Variants in FARP1 observed in about 807,000 individuals in gnomAD.
The protein encoded by FARP1 is FERM, ARHGEF and pleckstrin domain-containing protein 1.
FARP1 carries 52 observed loss-of-function variants against 128.8 expected under a neutral mutation model. The ratio of observed to expected loss-of-function variants is 0.40; its 90% CI spans 0.32 to 0.51. The LOEUF (loss-of-function observed/expected upper bound fraction) is 0.51. FARP1 is among the 20% of genes least tolerant of loss of function. The probability of loss-of-function intolerance (pLI) is 0.45; values close to 1 mark genes in which losing one functional copy is unlikely to be tolerated. For synonymous variants in FARP1, 580 were observed against 551.8 expected (o/e 1.05, Z -0.72); for missense variants, 1,333 against 1,367.9 (o/e 0.97, Z 0.40).
At chr13:98,426,207 G>A (rs1198866027) in intron 17 of FARP1, among the ~76,000 whole-genome samples, 1 of 152,212 alleles carries the variant, frequency 6.6e-6, no homozygotes, top group Non-Finnish European at 1.5e-5. Context: ...ATGTATCTCA[G>A]CCGGGTGTGG....
intron 2 of FARP1, among the ~76,000 whole-genome samples, chr13:98,298,337 G>A (rs1885787505): frequency 6.6e-6 from 1 of 152,170 alleles, no homozygotes; most frequent in Non-Finnish European, 1.5e-5. Flanking sequence ...ATAATCTGAA[G>A]ACTGATTGAC....
chr13:98,189,164 C>G (rs2060976606), intron 1 of FARP1, among the ~76,000 whole-genome samples: 1 of 152,086 alleles, frequency 6.6e-6, no homozygotes, highest in South Asian at 2.1e-4. Context: ...GCCAGGTGTG[C>G]CCAGTGGCCA....
At chr13:98,368,525 CAG>C (rs1254412874) in intron 5 of FARP1, among the ~76,000 whole-genome samples, 1 of 152,200 alleles carries the variant, frequency 6.6e-6, no homozygotes, top group Non-Finnish European at 1.5e-5. Context: ...CATGTCAACT[CAG>C]AGTTTGTCTT....
In FARP1 at chr13:98,410,697, G is replaced by C. The variant is rs752544109; in HGVS notation, c.1603-37G>C. On this transcript the variant is annotated intron_variant, in intron 14 of 26. Transcript: ENST00000319562. Reference sequence around the variant, plus strand: ...TTCTCCGAGACGCATACTCAAAAATGATTATTGCGCTTTGTTTCTTTTGCT... The same window carrying C: ...TTCTCCGAGACGCATACTCAAAAATCATTATTGCGCTTTGTTTCTTTTGCT... 1.3e-5 allele frequency: 15 copies of C among 1,121,312 alleles called. No individual in the cohort carries two copies. In the South Asian group the frequency reaches 1.4e-4, roughly 11 times the overall value. The allele number at this position is 1,121,312 out of a possible 1,614,324, so 69.5% of individuals were successfully genotyped here. A position where few individuals can be genotyped will look rare whatever the true frequency, so the allele number is the denominator to read the frequency against.
intron 1 of FARP1, among the ~76,000 whole-genome samples, chr13:98,200,389 C>CA (rs964041838): frequency 5.0e-5 from 2 of 39,840 alleles, no homozygotes; most frequent in Non-Finnish European, 1.3e-4. Context: ...CAACCTTCAC[C>CA]CCCCCCCCCT....
chr13:98,198,509 A>T (rs1446351490), intron 1 of FARP1, among the ~76,000 whole-genome samples: 4 of 152,098 alleles, frequency 2.6e-5, no homozygotes, highest in Admixed American at 6.6e-5. Flanking sequence ...AGGTGGGAGG[A>T]TCCCTTGAGC....
chr13:98,336,741 A>G lies in FARP1; in HGVS notation c.172-7021A>G, dbSNP rs142865626. On this transcript the variant is annotated intron_variant, in intron 2 of 26. Transcript: ENST00000319562. ...GTTTAATTTTATAGGCTCCAATGAA[A>G]AGCCAATTGAGGATGGAGAAGGCAA... is the stretch of plus-strand genomic sequence containing the variant. 3.0e-3 allele frequency among the ~76,000 whole-genome samples: 460 copies of G among 152,314 alleles called. 1 individual carries two copies. The highest frequency in any genetic ancestry group is 0.01 in the African/African-American group (431 of 41,564).
At chr13:98,447,219 T>G (rs2281770) in intron 26 of FARP1, 104,071 of 159,426 alleles carry the variant, frequency 0.65, 35,759 homozygotes, top group Non-Finnish European at 0.77. Flanking sequence ...TGAATAGAGA[T>G]CCTGGGCCTC....
rs1479825155 is a variant in FARP1 at position 98,395,344 on chromosome 13, C to T, written c.1282C>T (p.Pro428Ser). 6.2e-7 allele frequency: 1 copy of T among 1,611,512 alleles called. No homozygotes were observed. The highest frequency in any genetic ancestry group is 8.5e-7 in the Non-Finnish European group (1 of 1,178,770). The change falls in exon 13 of 27, where the codon CCT becomes TCT. Residue 428 changes from proline (P) to serine (S), a missense_variant. By Grantham distance (74) the Pro-to-Ser change is moderately conservative. Transcript: ENST00000319562. ...CGGGGAGCCGGGGTCGCACCCGAGC[C>T]CTGCGCCGAGGAGAAGCCCCGCGGG... ...SAGEPGSHPS[P>S]APRRSPAGNK...
At chr13:98,389,363 T>C (rs1174865315) in intron 9 of FARP1, 1 of 152,856 alleles carries the variant, frequency 6.5e-6, no homozygotes, top group Non-Finnish European at 1.5e-5. Flanking sequence ...TTATATAATA[T>C]GGCCACTTCA....
intron 1 of FARP1, among the ~76,000 whole-genome samples, chr13:98,198,730 T>A: frequency 6.6e-6 from 1 of 151,012 alleles, no homozygotes; most frequent in Non-Finnish European, 1.5e-5. Flanking sequence ...TAGAAAAGAT[T>A]AGCTGGGCAC....
intron 2 of FARP1, among the ~76,000 whole-genome samples, chr13:98,280,608 A>C (rs1205406517): frequency 6.6e-6 from 1 of 150,808 alleles, no homozygotes; most frequent in Non-Finnish European, 1.5e-5. Flanking sequence ...CAACTTGAAC[A>C]AGTTCATCAT....
rs1451756007 is a variant in FARP1 at position 98,188,431 on chromosome 13, T to C, written c.-23-24789T>C. Among the ~76,000 whole-genome samples, 6 of 151,922 alleles carry C rather than the reference T, an allele frequency of 3.9e-5. No homozygotes were observed. In the East Asian group the frequency reaches 1.2e-3, roughly 29 times the overall value. On this transcript the variant is annotated intron_variant, in intron 1 of 26. Transcript: ENST00000319562. ...AAAAATAAAGCTGGGCGTGGTGGTG[T>C]GTGCCTGTAATCCCAGCTACTCGGG... is the stretch of plus-strand genomic sequence containing the variant.
At chr13:98,319,288 A>G (rs1236500459) in intron 2 of FARP1, among the ~76,000 whole-genome samples, 2 of 151,106 alleles carry the variant, frequency 1.3e-5, no homozygotes, top group Non-Finnish European at 2.9e-5. Flanking sequence ...TAAATAGTAA[A>G]ATACTTGGAA....
intron 1 of FARP1, among the ~76,000 whole-genome samples, chr13:98,172,965 G>A (rs1185272467): frequency 2.0e-5 from 3 of 152,218 alleles, no homozygotes; most frequent in Non-Finnish European, 4.4e-5. Flanking sequence ...CATTTGTAGT[G>A]TGGTATAATC....
At chr13:98,358,391 T>G (rs1434480238) in intron 3 of FARP1, among the ~76,000 whole-genome samples, 2 of 152,134 alleles carry the variant, frequency 1.3e-5, no homozygotes, top group East Asian at 3.9e-4. Context: ...TACCATGTTT[T>G]CAGATCTGTT....
chr13:98,255,424 C>T (rs1190546014), intron 2 of FARP1, among the ~76,000 whole-genome samples: 1 of 152,106 alleles, frequency 6.6e-6, no homozygotes, highest in African/African-American at 2.4e-5. Context: ...TGGCGTGAAC[C>T]CAGGACGCGA....
chr13:98,427,143 C>T (rs1179554023), intron 17 of FARP1, among the ~76,000 whole-genome samples: 1 of 151,994 alleles, frequency 6.6e-6, no homozygotes, highest in Admixed American at 6.6e-5. Context: ...AGTTTCCCTG[C>T]CCTAAAACTT....
intron 1 of FARP1, among the ~76,000 whole-genome samples, chr13:98,151,396 A>G (rs1875986306): frequency 6.6e-6 from 1 of 152,256 alleles, no homozygotes; most frequent in East Asian, 1.9e-4. Context: ...CTGTTTTGGT[A>G]GTAATTGTAT....
Sources: allele counts gnomAD v4.1 joint callset (sites outside exome capture counted in the v4.1 genomes callset), GRCh38; gene constraint gnomAD v4.1.1; transcripts MANE v1.5; gene names NCBI Gene and HGNC (gene_info 2026-07-23, HGNC 2026-07-21).